The following ADAM10 variants were observed in gnomAD, a reference collection of about 807,000 sequenced individuals.
The protein encoded by ADAM10 is ADAM metallopeptidase domain 10.
A neutral mutation model predicts 90.1 loss-of-function variants in ADAM10; 17 were observed. The ratio of observed to expected loss-of-function variants is 0.19; its 90% CI spans 0.13 to 0.28. The LOEUF (loss-of-function observed/expected upper bound fraction) is 0.28, where lower values mean the gene tolerates loss of function less well. Ranked by LOEUF, ADAM10 falls within the 10% of genes least tolerant of loss-of-function variation. ADAM10 has a pLI of 1.00. For missense variants in ADAM10, 610 were observed against 914.3 expected, an observed-to-expected ratio of 0.67 and a Z score of 4.29; for synonymous variants, 310 against 298.6, an observed-to-expected ratio of 1.04 and a Z score of -0.40.
intron 10 of ADAM10, among the ~76,000 whole-genome samples, chr15:58,621,935 C>G (rs1470111755): frequency 2.0e-5 from 3 of 151,828 alleles, no homozygotes; most frequent in Non-Finnish European, 2.9e-5. Flanking sequence ...CTATTCATAT[C>G]ACACAAATAC....
At chr15:58,692,438 C>T (rs1897848484) in intron 2 of ADAM10, 1 of 544,000 alleles carries the variant, frequency 1.8e-6, no homozygotes, top group Admixed American at 2.1e-5. Flanking sequence ...TCATCCTCCT[C>T]ATCGGAACCC....
At chr15:58,619,860 C>T (rs1477966507) in intron 11 of ADAM10, among the ~76,000 whole-genome samples, 1 of 151,678 alleles carries the variant, frequency 6.6e-6, no homozygotes, top group African/African-American at 2.4e-5. Context: ...GCAGAGATCG[C>T]GCCACTGCAC....
chr15:58,731,017 T>C (rs1899218304), intron 1 of ADAM10, among the ~76,000 whole-genome samples: 1 of 152,182 alleles, frequency 6.6e-6, no homozygotes, highest in African/African-American at 2.4e-5. Context: ...CTTTTCAGTC[T>C]GTATAATCGT....
At chr15:58,714,816 C>T (rs980752388) in intron 2 of ADAM10, among the ~76,000 whole-genome samples, 3 of 151,924 alleles carry the variant, frequency 2.0e-5, no homozygotes, top group African/African-American at 7.3e-5. Context: ...GGAGGAGTTA[C>T]AGTGTACCAA....
chr15:58,613,829 C>T (rs1389092794), intron 11 of ADAM10, among the ~76,000 whole-genome samples: 1 of 152,094 alleles, frequency 6.6e-6, no homozygotes, highest in East Asian at 1.9e-4. Flanking sequence ...ATAAGAGCTG[C>T]AGAAGGTTGG....
At chr15:58,685,374 T>G (rs1331660646) in intron 2 of ADAM10, among the ~76,000 whole-genome samples, 1 of 150,922 alleles carries the variant, frequency 6.6e-6, no homozygotes, top group African/African-American at 2.4e-5. Flanking sequence ...GGCAGGAGAA[T>G]GGCGTGAACC....
chr15:58,674,567 C>T (rs1207262159), intron 4 of ADAM10, among the ~76,000 whole-genome samples: 2 of 152,192 alleles, frequency 1.3e-5, no homozygotes, highest in African/African-American at 4.8e-5. Context: ...TCAATACTTA[C>T]CAATTCAATT....
rs573550162 is a variant in ADAM10 at position 58,715,541 on chromosome 15, A to T, written c.206+2036T>A. Among the ~76,000 whole-genome samples, 3 of 152,190 alleles carry T rather than the reference A, an allele frequency of 2.0e-5. No individual in the cohort carries two copies. In the South Asian group the frequency reaches 6.2e-4, roughly 32 times the overall value. ...TCTCCCTCCTTTGAATATCTATAGC[A>T]TTTTATCTGTAATGTAACACATCAC... is the stretch of plus-strand genomic sequence containing the variant. On this transcript the variant is annotated intron_variant, in intron 2 of 15. Coordinates refer to ENST00000260408, the MANE Select transcript of ADAM10 (RefSeq NM_001110.4).
At chr15:58,734,520 C>T (rs1244564834) in intron 1 of ADAM10, among the ~76,000 whole-genome samples, 1 of 151,962 alleles carries the variant, frequency 6.6e-6, no homozygotes, top group African/African-American at 2.4e-5. Context: ...GGCAAGATGG[C>T]AAAACGCCAT....
chr15:58,663,736 A>C (rs1422137258), intron 5 of ADAM10, among the ~76,000 whole-genome samples: 1 of 151,988 alleles, frequency 6.6e-6, no homozygotes, highest in Non-Finnish European at 1.5e-5. Context: ...TATTTTTATA[A>C]AGTTTTGATT....
rs993216119 is a variant in ADAM10, at chr15:58,610,791, C to T, written c.1804+208G>A. ...TAAATTACTGCTGTAAAGCTGGCAA[C>T]GTTTTGTCTAGTTTATCATTTTTAA... On this transcript the variant is annotated intron_variant, in intron 13 of 15. Coordinates refer to ENST00000260408, the MANE Select transcript of ADAM10 (RefSeq NM_001110.4). 6.8e-5 allele frequency: 43 copies of T among 632,746 alleles called. 1 individual carries two copies. The highest frequency in any genetic ancestry group is 4.2e-4 in the Middle Eastern group (1 of 2,388). The allele number at this position is 632,746 out of a possible 1,614,324, so 39.2% of individuals were successfully genotyped here.
intron 14 of ADAM10, among the ~76,000 whole-genome samples, chr15:58,600,810 C>T (rs898162167): frequency 6.6e-6 from 1 of 152,096 alleles, no homozygotes; most frequent in South Asian, 2.1e-4. Context: ...CAAAACTGAA[C>T]CTTTACATTT....
chr15:58,632,323 T>G (rs1159636601), intron 9 of ADAM10, among the ~76,000 whole-genome samples: 1 of 152,182 alleles, frequency 6.6e-6, no homozygotes, highest in African/African-American at 2.4e-5. Flanking sequence ...CAGGAATGTG[T>G]ACTGAAATAC....
chr15:58,668,077 GA>G (rs2140733004), intron 4 of ADAM10, among the ~76,000 whole-genome samples: 1 of 152,264 alleles, frequency 6.6e-6, no homozygotes, highest in African/African-American at 2.4e-5. Context: ...GTTTTAGAAA[GA>G]AAGGGTTACT....
At chr15:58,644,094 T>C (rs1896486409) in intron 6 of ADAM10, 116 bp from the exon 7 acceptor site, 4 of 766,800 alleles carry the variant, frequency 5.2e-6, no homozygotes, top group Non-Finnish European at 9.0e-6. Context: ...AATTTTAAAA[T>C]GTCAACATTA....
intron 5 of ADAM10, among the ~76,000 whole-genome samples, chr15:58,655,711 G>GTATATATATATATATA (rs1174017303): frequency 3.7e-5 from 2 of 53,734 alleles, no homozygotes; most frequent in African/African-American, 1.6e-4. Flanking sequence ...TATATATATA[G>GTATATATATATATATA]TATATATATA....
chr15:58,687,523 T>C (rs1433293526), intron 2 of ADAM10, among the ~76,000 whole-genome samples: 15 of 152,096 alleles, frequency 9.9e-5, no homozygotes, highest in African/African-American at 3.1e-4. Context: ...GGATACATTA[T>C]TTGTGTTTGT....
chr15:58,663,337 A>G (rs1356968595), intron 5 of ADAM10, among the ~76,000 whole-genome samples: 1 of 152,144 alleles, frequency 6.6e-6, no homozygotes, highest in African/African-American at 2.4e-5. Context: ...TTCCTTACTA[A>G]TTTGAGATTG....
intron 15 of ADAM10, 100 bp downstream of exon 15, chr15:58,599,498 G>C: frequency 7.4e-7 from 1 of 1,355,920 alleles, no homozygotes; most frequent in South Asian, 1.2e-5. Context: ...TACGGAGAAA[G>C]TACTGTAACA....
Sources: gnomAD v4.1 joint callset for allele counts (sites outside exome capture counted in the v4.1 genomes callset) on GRCh38, gnomAD v4.1.1 for gene constraint, MANE v1.5 for transcripts, NCBI Gene and HGNC (gene_info 2026-07-23, HGNC 2026-07-21) for gene names.